Variants in ACCSL observed in about 807,000 individuals in gnomAD.
The protein encoded by ACCSL is probable inactive 1-aminocyclopropane-1-carboxylate synthase-like protein 2.
In ACCSL, 55 loss-of-function variants were observed where a neutral mutation model predicts 61.7. The ratio of observed to expected loss-of-function variants is 0.89; its 90% CI spans 0.72 to 1.12. The LOEUF (loss-of-function observed/expected upper bound fraction) is 1.12. Ranked by LOEUF, ACCSL falls within the 50% of genes most tolerant of loss-of-function variation. The probability of loss-of-function intolerance (pLI) is 0.00; values close to 1 mark genes in which losing one functional copy is unlikely to be tolerated. For synonymous variants in ACCSL, 258 were observed against 264.3 expected, an observed-to-expected ratio of 0.98 and a Z score of 0.23; for missense variants, 632 against 698.0, an observed-to-expected ratio of 0.91 and a Z score of 1.07.
the ACCSL span, among the ~76,000 whole-genome samples, chr11:43,933,834 C>G: frequency 6.6e-6 from 1 of 152,128 alleles, no homozygotes; most frequent in Non-Finnish European, 1.5e-5. Flanking sequence ...CTGACTCCAC[C>G]CTGGTGTTCC....
the ACCSL span, among the ~76,000 whole-genome samples, chr11:44,014,082 G>C: frequency 6.6e-6 from 1 of 152,246 alleles, no homozygotes; most frequent in Non-Finnish European, 1.5e-5. Flanking sequence ...TGGCCCCCAG[G>C]AGTGCTGCCA....
chr11:43,945,089 T>TCGGC, the ACCSL span: 5 of 152,368 alleles, frequency 3.3e-5, no homozygotes, highest in Non-Finnish European at 7.3e-5. Context: ...TGTTCTTCCC[T>TCGGC]CGGCTCAGAG....
At chr11:43,954,072 G>A in the ACCSL span, among the ~76,000 whole-genome samples, 2 of 152,094 alleles carry the variant, frequency 1.3e-5, no homozygotes, top group African/African-American at 2.4e-5. Context: ...TCTATGTCAC[G>A]GGACCATGAG....
the ACCSL span, among the ~76,000 whole-genome samples, chr11:44,031,994 T>A: frequency 6.6e-6 from 1 of 152,184 alleles, no homozygotes; most frequent in African/African-American, 2.4e-5. Context: ...TCAGCATCGG[T>A]GAAATGGGAC....
chr11:44,020,589 G>C, the ACCSL span, among the ~76,000 whole-genome samples: 1 of 151,954 alleles, frequency 6.6e-6, no homozygotes, highest in African/African-American at 2.4e-5. Context: ...CATGGTTTTT[G>C]TCCTTTATCC....
At position 44,058,600 on chromosome 11, in the gene ACCSL, GACA is replaced by G; in HGVS notation, c.1530_1532del (p.Asn510del). The G allele has an allele frequency of 6.2e-7, 1 of 1,614,044 alleles. No individual in the cohort carries two copies. The highest frequency in any genetic ancestry group is 8.5e-7 in the Non-Finnish European group (1 of 1,179,996). On this transcript the variant is annotated inframe_deletion, in exon 13 of 14. Transcript: ENST00000378832. ...ACGGCTCCTCTATTGCCGCTTCCTG[GACA>G]ACAAGCTATTGTTATCCCGTGGCAA...
the ACCSL span, among the ~76,000 whole-genome samples, chr11:43,993,693 A>C: frequency 6.6e-6 from 1 of 152,100 alleles, no homozygotes; most frequent in Non-Finnish European, 1.5e-5. Context: ...ATGGCTCCTC[A>C]GCTGCCTGCC....
chr11:44,005,946 T>A, the ACCSL span, among the ~76,000 whole-genome samples: 3 of 152,188 alleles, frequency 2.0e-5, no homozygotes, highest in African/African-American at 7.2e-5. Flanking sequence ...GCAAGGAATC[T>A]GCCCAAAGGC....
the ACCSL span, chr11:43,926,397 C>A: frequency 1.6e-5 from 6 of 379,784 alleles, no homozygotes; most frequent in Admixed American, 1.7e-4. Context: ...CTCAGATGCA[C>A]CCCCACAGGA....
At chr11:43,940,487 C>CT in the ACCSL span, among the ~76,000 whole-genome samples, 1 of 151,748 alleles carries the variant, frequency 6.6e-6, no homozygotes, top group Non-Finnish European at 1.5e-5. Flanking sequence ...TCTCGAGTAG[C>CT]TGGGACTACA....
At chr11:43,928,679 G>A in the ACCSL span, among the ~76,000 whole-genome samples, 3 of 152,186 alleles carry the variant, frequency 2.0e-5, no homozygotes, top group Admixed American at 6.5e-5. Context: ...GCTGGGCAGC[G>A]GGCACTCTCT....
chr11:43,934,494 A>G, the ACCSL span, among the ~76,000 whole-genome samples: 1 of 152,210 alleles, frequency 6.6e-6, no homozygotes, highest in Non-Finnish European at 1.5e-5. Context: ...ACATGCGCAC[A>G]CACACACGTA....
chr11:44,026,118 T>C, the ACCSL span, among the ~76,000 whole-genome samples: 1 of 152,230 alleles, frequency 6.6e-6, no homozygotes, highest in Non-Finnish European at 1.5e-5. Flanking sequence ...TTTCTTCAAA[T>C]ATTCTTTCTA....
At chr11:44,047,762 T>TC (rs1167481074), upstream of ACCSL, among the ~76,000 whole-genome samples, 16 of 152,234 alleles carry the variant, frequency 1.1e-4, no homozygotes, top group African/African-American at 3.4e-4. Context: ...CCCCTGCTCT[T>TC]CCTCAGAACA....
At chr11:43,962,153 A>T in the ACCSL span, among the ~76,000 whole-genome samples, 1 of 152,144 alleles carries the variant, frequency 6.6e-6, no homozygotes, top group Non-Finnish European at 1.5e-5. Flanking sequence ...TTGCCCTAAG[A>T]AATATAAAAA....
chr11:43,946,958 G>C, the ACCSL span: 1 of 152,424 alleles, frequency 6.6e-6, no homozygotes. Flanking sequence ...GGGCAGACTG[G>C]AGGGTAGGGA....
At chr11:43,942,045 T>G in the ACCSL span, among the ~76,000 whole-genome samples, 1 of 147,148 alleles carries the variant, frequency 6.8e-6, no homozygotes, top group Non-Finnish European at 1.5e-5. Flanking sequence ...CGTGTGTGTG[T>G]GTGTGTGTGT....
At chr11:43,987,525 G>A in the ACCSL span, among the ~76,000 whole-genome samples, 1 of 152,200 alleles carries the variant, frequency 6.6e-6, no homozygotes, top group Non-Finnish European at 1.5e-5. Flanking sequence ...TTTGGCCTGT[G>A]GTCAGTGTCC....
chr11:44,013,271 C>A, the ACCSL span, among the ~76,000 whole-genome samples: 2 of 152,292 alleles, frequency 1.3e-5, no homozygotes, highest in East Asian at 3.9e-4. Context: ...AGAACATAAG[C>A]AATTCTTTTT....
Sources: gnomAD v4.1 joint callset for allele counts (sites outside exome capture counted in the v4.1 genomes callset) on GRCh38, gnomAD v4.1.1 for gene constraint, MANE v1.5 for transcripts, NCBI Gene and HGNC (gene_info 2026-07-23, HGNC 2026-07-21) for gene names.